The following HNF4A variants were observed in gnomAD, a reference collection of about 807,000 sequenced individuals.
HNF4A encodes hepatocyte nuclear factor 4-alpha.
In HNF4A, 15 loss-of-function variants were observed where a neutral mutation model predicts 52.4. That is an observed-to-expected ratio of 0.29 (90% CI 0.19 to 0.44). The LOEUF (loss-of-function observed/expected upper bound fraction) is 0.44, where lower values mean the gene tolerates loss of function less well. HNF4A is among the 20% of genes least tolerant of loss of function. The probability of loss-of-function intolerance (pLI) is 1.00; values close to 1 mark genes in which losing one functional copy is unlikely to be tolerated. For synonymous variants in HNF4A, 280 were observed against 264.4 expected (o/e 1.06, Z -0.57); for missense variants, 479 against 647.2 (o/e 0.74, Z 2.82).
intron 7 of HNF4A, among the ~76,000 whole-genome samples, chr20:44,420,565 A>G (rs2063730446): frequency 6.6e-6 from 1 of 152,142 alleles, no homozygotes; most frequent in Admixed American, 6.5e-5. Context: ...GGATCACTTC[A>G]GGCCAGGAGT....
intron 1 of HNF4A, among the ~76,000 whole-genome samples, chr20:44,375,624 A>G (rs1374306026): frequency 6.6e-6 from 1 of 152,086 alleles, no homozygotes; most frequent in Non-Finnish European, 1.5e-5. Flanking sequence ...CCAAGACTAG[A>G]ATGGTGGACT....
At chr20:44,389,406 A>T (rs2063274628) in intron 1 of HNF4A, among the ~76,000 whole-genome samples, 1 of 152,248 alleles carries the variant, frequency 6.6e-6, no homozygotes, top group African/African-American at 2.4e-5. Flanking sequence ...ACAGTTTAAA[A>T]GTATAAGCAG....
In HNF4A at chr20:44,427,420, G is replaced by A. The variant is rs941037834; in HGVS notation, c.1130-915G>A. On this transcript the variant is annotated intron_variant, in intron 8 of 9. Coordinates refer to ENST00000316099, the MANE Select transcript of HNF4A (RefSeq NM_000457.6). ...GAGGATTAAATTATGTGAAACATGG[G>A]AAGTGCTATACAACAGTACCTGGCA... 2.6e-5 allele frequency among the ~76,000 whole-genome samples: 4 copies of A among 152,200 alleles called. No homozygotes were observed. In the South Asian group the frequency reaches 8.3e-4, roughly 32 times the overall value.
intron 1 of HNF4A, among the ~76,000 whole-genome samples, chr20:44,362,444 A>G (rs1348850871): frequency 1.4e-5 from 2 of 146,518 alleles, no homozygotes; most frequent in Non-Finnish European, 3.0e-5. Context: ...AAAAAAAAGC[A>G]TGCTGAGATG....
At position 44,366,919 on chromosome 20, in the gene HNF4A, A is replaced by G. The variant is rs147432526; in HGVS notation, c.49+11066A>G. Reference sequence around the variant, plus strand: ...TACAAGTGTCTAGGGCTTGGGGGCCACACACTAAACCTGGCATCAGAAGGC... The same window carrying G: ...TACAAGTGTCTAGGGCTTGGGGGCCGCACACTAAACCTGGCATCAGAAGGC... On this transcript the variant is annotated intron_variant, in intron 1 of 9. Transcript: ENST00000316673. 2.1e-3 allele frequency among the ~76,000 whole-genome samples: 319 copies of G among 152,346 alleles called. 1 individual carries two copies. The highest frequency in any genetic ancestry group is 6.8e-3 in the Middle Eastern group (2 of 294).
chr20:44,413,493 T>C (rs1193492963), intron 3 of HNF4A, among the ~76,000 whole-genome samples: 1 of 152,058 alleles, frequency 6.6e-6, no homozygotes, highest in Non-Finnish European at 1.5e-5. Context: ...AGCCTCTCCA[T>C]TGTGTTGGGG....
At chr20:44,371,003 C>G (rs6031558) in intron 1 of HNF4A, among the ~76,000 whole-genome samples, 115,945 of 152,086 alleles carry the variant, frequency 0.76, 44,950 homozygotes, top group African/African-American at 0.89. Flanking sequence ...ACAGGCATGA[C>G]GAAGGGCAGA....
chr20:44,403,700 A>C (rs1032559729), intron 1 of HNF4A, among the ~76,000 whole-genome samples: 10 of 152,192 alleles, frequency 6.6e-5, no homozygotes, highest in Non-Finnish European at 1.2e-4. Context: ...CACTGGCTGG[A>C]GTAGCCCAGC....
intron 1 of HNF4A, among the ~76,000 whole-genome samples, chr20:44,369,274 AAAAAC>A (rs1168377772): frequency 3.4e-5 from 5 of 145,784 alleles, no homozygotes; most frequent in African/African-American, 1.3e-4. Context: ...AAAAAAAAAA[AAAAAC>A]TGGGCCGGCC....
rs150155975 is a variant in HNF4A at position 44,375,178 on chromosome 20, C to A, written c.49+19325C>A. On this transcript the variant is annotated intron_variant, in intron 1 of 9. Transcript: ENST00000316673. ...TCATCTTTGTTGGCCGCTTGTACAT[C>A]TTCTTTTGAGAAGTGTCTGTTCATG... is the stretch of plus-strand genomic sequence containing the variant. Among the ~76,000 whole-genome samples the A allele has an allele frequency of 2.7e-3, 415 of 152,264 alleles. 1 individual carries two copies. Among genetic ancestry groups the A allele is most frequent in the African/African-American group, 9.0e-3 (374 of 41,560 alleles).
chr20:44,406,344 C>T, intron 2 of HNF4A, 112 bp downstream of exon 2: 1 of 853,282 alleles, frequency 1.2e-6, no homozygotes, highest in Non-Finnish European at 1.9e-6. Context: ...CCTTCAGGGC[C>T]TTCAAGGCTC....
At chr20:44,425,674 A>G (rs1453406928) in intron 8 of HNF4A, among the ~76,000 whole-genome samples, 4 of 43,280 alleles carry the variant, frequency 9.2e-5, no homozygotes, top group Non-Finnish European at 2.9e-4. Context: ...TTTTTTTTTG[A>G]GACGAGATCT....
chr20:44,421,948 A>G (rs193244966), intron 7 of HNF4A, among the ~76,000 whole-genome samples: 248 of 150,626 alleles, frequency 1.6e-3, no homozygotes, highest in African/African-American at 5.7e-3. Flanking sequence ...CATGTATTGA[A>G]TGCTCCCTAA....
chr20:44,417,092 C>A (rs1440434017), intron 5 of HNF4A, among the ~76,000 whole-genome samples: 1 of 152,210 alleles, frequency 6.6e-6, no homozygotes, highest in East Asian at 1.9e-4. Flanking sequence ...AAGTGTCTGG[C>A]ATTTAGTAGG....
At chr20:44,411,245 C>T (rs1246176706) in intron 3 of HNF4A, among the ~76,000 whole-genome samples, 1 of 152,206 alleles carries the variant, frequency 6.6e-6, no homozygotes, top group Non-Finnish European at 1.5e-5. Context: ...CAGCCCCCTA[C>T]CCAGGAGTTC....
At chr20:44,423,384 G>A (rs1398684144) in intron 7 of HNF4A, among the ~76,000 whole-genome samples, 3 of 152,148 alleles carry the variant, frequency 2.0e-5, no homozygotes, top group Admixed American at 6.6e-5. Context: ...CTCACAGTTG[G>A]ATGGCACAAC....
chr20:44,412,592 G>A (rs2063601619), intron 3 of HNF4A, among the ~76,000 whole-genome samples: 1 of 152,130 alleles, frequency 6.6e-6, no homozygotes, highest in Non-Finnish European at 1.5e-5. Flanking sequence ...TTGAGCAGCA[G>A]GCGACATGAC....
intron 1 of HNF4A, among the ~76,000 whole-genome samples, chr20:44,393,183 C>T (rs187604976): frequency 1.3e-5 from 2 of 152,328 alleles, no homozygotes; most frequent in African/African-American, 4.8e-5. Flanking sequence ...CCGGGAAGGC[C>T]GCATCTAATT....
intron 9 of HNF4A, among the ~76,000 whole-genome samples, chr20:44,429,174 G>A (rs2063846523): frequency 1.3e-5 from 2 of 152,110 alleles, no homozygotes; most frequent in Non-Finnish European, 2.9e-5. Context: ...CTTCTCCCAG[G>A]AAAGACTATC....
Sources: allele counts gnomAD v4.1 joint callset (sites outside exome capture counted in the v4.1 genomes callset), GRCh38; gene constraint gnomAD v4.1.1; transcripts MANE v1.5; gene names NCBI Gene and HGNC (gene_info 2026-07-23, HGNC 2026-07-21).